The following FLT3 variants were observed in gnomAD, a reference collection of about 807,000 sequenced individuals.
The protein encoded by FLT3 is receptor-type tyrosine-protein kinase FLT3.
Under a neutral mutation model 126.6 loss-of-function variants are expected in FLT3, and 46 were observed. That is an observed-to-expected ratio of 0.36 (90% CI 0.29 to 0.46). The LOEUF is 0.46. Among genes scored for constraint, FLT3 ranks in the 20% least tolerant of loss-of-function variants. The pLI is 1.00. For synonymous variants in FLT3, 404 were observed against 434.4 expected (o/e 0.93, Z 0.87); for missense variants, 1,069 against 1,190.3 (o/e 0.90, Z 1.50).
At chr13:28,066,120 G>A (rs538856245) in intron 2 of FLT3, among the ~76,000 whole-genome samples, 4 of 152,272 alleles carry the variant, frequency 2.6e-5, no homozygotes, top group African/African-American at 9.6e-5. Context: ...TGAAGGGATG[G>A]GAAAGAAAGG....
At position 28,052,637 on chromosome 13, in the gene FLT3, T is replaced by G; in HGVS notation, c.522A>C (p.Arg174Ser). The G allele has an allele frequency of 6.2e-7, 1 of 1,612,146 alleles. No homozygotes were observed. Residue 174 changes from arginine to serine, a missense_variant, in exon 5 of 24, where the codon AGA (arginine) becomes AGC (serine). By Grantham distance (110) the Arg-to-Ser change is moderately radical. Coordinates refer to ENST00000241453, the MANE Select transcript of FLT3 (RefSeq NM_004119.3). ...LLYTLRRPYF[R>S]KMENQDALVC... is the part of the protein sequence containing the mutation. The stretch of plus-strand genomic sequence containing the variant: ...CCAGGGCGTCCTGGTTTTCCATTTT[T>G]CTAAAGTAAGGTCTTCTTAATGTGT...
intron 1 of FLT3, among the ~76,000 whole-genome samples, chr13:28,090,075 CTG>C (rs1878935930): frequency 6.6e-6 from 1 of 151,308 alleles, no homozygotes; most frequent in African/African-American, 2.4e-5. Context: ...GAGTCTGTCT[CTG>C]TCACCCAGGG....
intron 1 of FLT3, among the ~76,000 whole-genome samples, chr13:28,085,297 T>G (rs12585696): frequency 2.5e-4 from 36 of 143,802 alleles, no homozygotes; most frequent in African/African-American, 9.6e-4. Context: ...TGAGCCAAGA[T>G]TGTGCCACTG....
chr13:28,093,009 C>T (rs1216953502), intron 1 of FLT3, among the ~76,000 whole-genome samples: 1 of 147,340 alleles, frequency 6.8e-6, no homozygotes, highest in Non-Finnish European at 1.5e-5. Context: ...GCAACCTCCA[C>T]ATCCCAGACT....
chr13:28,075,457 G>A (rs776266164), intron 1 of FLT3, among the ~76,000 whole-genome samples: 3 of 152,060 alleles, frequency 2.0e-5, no homozygotes, highest in Non-Finnish European at 2.9e-5. Flanking sequence ...GGGCATGGTG[G>A]CTCACATCTG....
intron 5 of FLT3, 43 bp downstream of exon 5, chr13:28,052,502 A>G (rs1402735428): frequency 1.3e-6 from 2 of 1,562,334 alleles, no homozygotes; most frequent in African/African-American, 2.7e-5. Context: ...AAAAAGGCCA[A>G]AAGGAAATTA....
At chr13:28,069,733 T>A (rs1195469127) in intron 2 of FLT3, among the ~76,000 whole-genome samples, 2 of 152,188 alleles carry the variant, frequency 1.3e-5, no homozygotes, top group South Asian at 4.1e-4. Flanking sequence ...AACAATAGGG[T>A]ATAATAACTA....
At chr13:28,012,253 T>C (rs1028611675) in intron 23 of FLT3, among the ~76,000 whole-genome samples, 1 of 152,160 alleles carries the variant, frequency 6.6e-6, no homozygotes, top group Non-Finnish European at 1.5e-5. Flanking sequence ...TGATTAATCA[T>C]GCATGGATAT....
intron 15 of FLT3, 23 bp downstream of exon 15, chr13:28,033,864 G>T (rs2137672022): frequency 6.4e-7 from 1 of 1,572,224 alleles, no homozygotes; most frequent in Non-Finnish European, 8.7e-7. Context: ...CATCTTTGTT[G>T]CTGTCCTTCC....
Position 28,024,911 on chromosome 13 carries a change from G to T in FLT3, c.2240C>A (p.Pro747Gln). 6.2e-7 allele frequency: 1 copy of T among 1,612,020 alleles called. No individual in the cohort carries two copies. Among genetic ancestry groups the T allele is most frequent in the Non-Finnish European group, 8.5e-7 (1 of 1,179,078 alleles). Residue 747 changes from proline to glutamine, a missense_variant, in exon 18 of 24, where the codon CCG becomes CAG. By Grantham distance (76) the Pro-to-Gln change is moderately conservative. Transcript: ENST00000241453. The stretch of plus-strand genomic sequence containing the variant: ...AAGCCCTGAGATTTGATCCGAGTCC[G>T]GGTGTATCTGAACTTCTCTTGAACC... Reference protein sequence around the residue: ...MPGSREVQIHPDSDQISGLHG... With the variant: ...MPGSREVQIHQDSDQISGLHG...
At chr13:28,041,771 C>G (rs940786553) in intron 9 of FLT3, among the ~76,000 whole-genome samples, 1 of 152,012 alleles carries the variant, frequency 6.6e-6, no homozygotes, top group Non-Finnish European at 1.5e-5. Flanking sequence ...AATGGCCAGC[C>G]GGCAGGAGAC....
chr13:28,070,040 G>A (rs11840268), intron 2 of FLT3, among the ~76,000 whole-genome samples: 26,566 of 152,128 alleles, frequency 0.17, 2,374 homozygotes, highest in Middle Eastern at 0.25. Context: ...GCTTGAGCCC[G>A]GGAGGGCGAG....
intron 4 of FLT3, among the ~76,000 whole-genome samples, chr13:28,057,103 C>T (rs369068928): frequency 1.9e-4 from 29 of 152,290 alleles, no homozygotes; most frequent in South Asian, 1.4e-3. Context: ...GAACAGAGGA[C>T]GTCCCAGGCG....
At chr13:28,070,738 G>A (rs1877433158) in intron 1 of FLT3, 126 bp from the exon 2 acceptor site, 3 of 683,918 alleles carry the variant, frequency 4.4e-6, no homozygotes, top group Admixed American at 2.9e-5. Flanking sequence ...ATGAAAGTAT[G>A]TAGGAAATTT....
chr13:28,022,241 G>A (rs1269017386), intron 19 of FLT3, among the ~76,000 whole-genome samples: 3 of 152,054 alleles, frequency 2.0e-5, no homozygotes, highest in African/African-American at 7.2e-5. Context: ...GCCGAGTGTG[G>A]TGGCTCACGC....
intron 1 of FLT3, among the ~76,000 whole-genome samples, chr13:28,082,448 C>A (rs998520828): frequency 6.6e-6 from 1 of 152,116 alleles, no homozygotes; most frequent in Non-Finnish European, 1.5e-5. Context: ...CAGGCATGAG[C>A]CACTGTGCCT....
chr13:28,034,683 G>C (rs915500581), intron 12 of FLT3, among the ~76,000 whole-genome samples: 1 of 152,124 alleles, frequency 6.6e-6, no homozygotes, highest in Non-Finnish European at 1.5e-5. Flanking sequence ...GTCCAGGCAC[G>C]ATGGCTCACG....
intron 1 of FLT3, among the ~76,000 whole-genome samples, chr13:28,092,952 C>CCA (rs1879216616): frequency 1.5e-5 from 2 of 135,682 alleles, no homozygotes; most frequent in African/African-American, 5.7e-5. Flanking sequence ...GACAGGGTCT[C>CCA]GCTCTGTCAC....
intron 3 of FLT3, among the ~76,000 whole-genome samples, chr13:28,058,224 A>AAAAC (rs1555258487): frequency 2.0e-5 from 3 of 148,262 alleles, no homozygotes; most frequent in Non-Finnish European, 4.5e-5. Flanking sequence ...AAAAAACAAA[A>AAAAC]AAAAAAACGG....
Sources: gnomAD v4.1 joint callset for allele counts (sites outside exome capture counted in the v4.1 genomes callset) on GRCh38, gnomAD v4.1.1 for gene constraint, MANE v1.5 for transcripts, NCBI Gene and HGNC (gene_info 2026-07-23, HGNC 2026-07-21) for gene names.